RALGAPA2: variants seen among roughly 807,000 people sequenced by gnomAD.
RALGAPA2 encodes Ral GTPase activating protein catalytic subunit alpha 2.
Under a neutral mutation model 230.4 loss-of-function variants are expected in RALGAPA2, and 139 were observed. The ratio of observed to expected loss-of-function variants is 0.60; its 90% CI spans 0.53 to 0.69. The LOEUF is 0.69. Ranked by LOEUF, RALGAPA2 falls within the 30% of genes least tolerant of loss-of-function variation. RALGAPA2 has a pLI of 0.00. For missense variants in RALGAPA2, 2,163 were observed against 2,276.0 expected (o/e 0.95, Z 1.01); for synonymous variants, 847 against 837.8 (o/e 1.01, Z -0.19).
chr20:20,653,121 G>A lies in RALGAPA2; in HGVS notation c.328+409C>T, dbSNP rs182891226. 3.1e-3 allele frequency among the ~76,000 whole-genome samples: 456 copies of A among 147,508 alleles called. 1 individual carries two copies. Among genetic ancestry groups the A allele is most frequent in the African/African-American group, 0.011 (438 of 39,878 alleles). The stretch of plus-strand genomic sequence containing the variant: ...TGAGGCAGGAGAATCACTTGAACTC[G>A]GGAGGCGGAGGTTGCAATGAGCCGA... On this transcript the variant is annotated intron_variant, in intron 4 of 39. Transcript: ENST00000202677.
At position 20,621,002 on chromosome 20, in the gene RALGAPA2, G is replaced by A. The variant is rs6046967; in HGVS notation, c.1234-372C>T. Among the ~76,000 whole-genome samples, 370 of 152,006 alleles carry A rather than the reference G, an allele frequency of 2.4e-3. 2 individuals are homozygous for A. The highest frequency in any genetic ancestry group is 8.3e-3 in the African/African-American group (345 of 41,496). Reference sequence around the variant, plus strand: ...CTAAAAATACAAAAATTAGCTGTGCGTGGTGGCGTGTGCCTGTAATCCCAG... The same window carrying A: ...CTAAAAATACAAAAATTAGCTGTGCATGGTGGCGTGTGCCTGTAATCCCAG... On this transcript the variant is annotated intron_variant, in intron 10 of 39. Coordinates refer to ENST00000202677, the MANE Select transcript of RALGAPA2 (RefSeq NM_020343.4).
At chr20:20,560,755 GTGTCTC>G (rs2064234056) in intron 23 of RALGAPA2, among the ~76,000 whole-genome samples, 1 of 152,282 alleles carries the variant, frequency 6.6e-6, no homozygotes, top group Non-Finnish European at 1.5e-5. Context: ...AGCTATTCCT[GTGTCTC>G]TCAGTGCCTC....
chr20:20,685,721 A>G (rs1314721268), intron 1 of RALGAPA2, among the ~76,000 whole-genome samples: 1 of 152,202 alleles, frequency 6.6e-6, no homozygotes, highest in East Asian at 1.9e-4. Context: ...CAAGGTAAGA[A>G]ACAGGACTGA....
At chr20:20,562,487 C>T (rs549982302) in intron 23 of RALGAPA2, among the ~76,000 whole-genome samples, 22 of 152,308 alleles carry the variant, frequency 1.4e-4, no homozygotes, top group African/African-American at 4.6e-4. Flanking sequence ...CTTTATTTCA[C>T]GTAGCATGTC....
chr20:20,515,138 T>G (rs2062829198), intron 31 of RALGAPA2, among the ~76,000 whole-genome samples: 1 of 152,160 alleles, frequency 6.6e-6, no homozygotes, highest in Non-Finnish European at 1.5e-5. Flanking sequence ...CCTGAGGCAA[T>G]AGAGAGCTTC....
intron 24 of RALGAPA2, among the ~76,000 whole-genome samples, chr20:20,541,850 A>G (rs2145666848): frequency 6.6e-6 from 1 of 152,318 alleles, no homozygotes; most frequent in South Asian, 2.1e-4. Context: ...ATCTCTAGGA[A>G]GGGCTCCAAC....
chr20:20,672,231 G>A lies in RALGAPA2; in HGVS notation c.270+4005C>T, dbSNP rs6132334. Among the ~76,000 whole-genome samples the A allele has an allele frequency of 3.2e-4, 48 of 151,628 alleles. No homozygotes were observed. The East Asian group carries it at 7.7e-3, about 24-fold the overall frequency. On this transcript the variant is annotated intron_variant, in intron 3 of 39. Coordinates refer to ENST00000202677, the MANE Select transcript of RALGAPA2 (RefSeq NM_020343.4). ...AGACAAATCCTCTGGGAGAAACCAG[G>A]ATTAACAAATGTGAAATCTGTGGTC...
chr20:20,461,031 C>T (rs1412112310), intron 37 of RALGAPA2, among the ~76,000 whole-genome samples: 2 of 152,168 alleles, frequency 1.3e-5, no homozygotes, highest in East Asian at 3.8e-4. Flanking sequence ...ATGTGAAGTG[C>T]TTTCCTTAGT....
intron 38 of RALGAPA2, among the ~76,000 whole-genome samples, chr20:20,408,872 T>C (rs377401504): frequency 6.6e-6 from 1 of 152,226 alleles, no homozygotes; most frequent in Non-Finnish European, 1.5e-5. Context: ...AGGTAAACTA[T>C]AGTGCTAGGT....
chr20:20,641,048 G>C (rs182181130), intron 5 of RALGAPA2, among the ~76,000 whole-genome samples, 170 bp from the exon 6 acceptor site: 61 of 152,284 alleles, frequency 4.0e-4, no homozygotes, highest in African/African-American at 1.3e-3. Context: ...TACAGCACAA[G>C]AGTTAAGAGC....
At chr20:20,640,440 A>G (rs1220552747) in intron 6 of RALGAPA2, among the ~76,000 whole-genome samples, 1 of 152,200 alleles carries the variant, frequency 6.6e-6, no homozygotes, top group African/African-American at 2.4e-5. Context: ...ATGTGTCTCT[A>G]CTTCGTGCTA....
chr20:20,653,248 G>A (rs2067472805), intron 4 of RALGAPA2, among the ~76,000 whole-genome samples: 1 of 149,394 alleles, frequency 6.7e-6, no homozygotes. Flanking sequence ...TGATTCAGGA[G>A]GTCTGGCTGG....
chr20:20,699,394 C>T (rs2069250346), intron 1 of RALGAPA2, among the ~76,000 whole-genome samples: 1 of 152,094 alleles, frequency 6.6e-6, no homozygotes, highest in Admixed American at 6.5e-5. Context: ...TAAGCTATAC[C>T]ACGTCAAGCC....
At chr20:20,461,238 C>T (rs1046686371) in intron 37 of RALGAPA2, among the ~76,000 whole-genome samples, 16 of 152,032 alleles carry the variant, frequency 1.1e-4, no homozygotes, top group Admixed American at 9.2e-4. Context: ...AATGAGTAAA[C>T]GGTATTTCTG....
At chr20:20,602,774 G>C (rs1242271579) in intron 15 of RALGAPA2, among the ~76,000 whole-genome samples, 1 of 152,060 alleles carries the variant, frequency 6.6e-6, no homozygotes. Flanking sequence ...CTCTTTAGAT[G>C]AATCTGTGGG....
intron 37 of RALGAPA2, among the ~76,000 whole-genome samples, chr20:20,416,280 GCTGGAGGAGAGTT>G (rs528703682): frequency 8.5e-5 from 13 of 152,298 alleles, no homozygotes; most frequent in African/African-American, 2.9e-4. Flanking sequence ...TAGTAGGTAA[GCTGGAGGAGAGTT>G]CTGTGTCAGG....
At position 20,495,151 on chromosome 20, in the gene RALGAPA2, T is replaced by A. The variant is rs982984055; in HGVS notation, c.5333A>T (p.His1778Leu). Residue 1778 changes from histidine to leucine, a missense_variant, in exon 36 of 40, where the codon CAC becomes CTC. Coordinates refer to ENST00000202677, the MANE Select transcript of RALGAPA2 (RefSeq NM_020343.4). ...CTTCGTTATCGCGATGAAGAACATG[T>A]GATTCTTCATTGGGTAAATAATGAT... ...VSIIIYPMKN[H>L]MFFIAITKKP... 3.0e-5 allele frequency: 48 copies of A among 1,609,472 alleles called. No homozygotes were observed. Among genetic ancestry groups the A allele is most frequent in the Non-Finnish European group, 3.9e-5 (46 of 1,176,642 alleles).
chr20:20,415,448 A>G (rs1443998102), intron 37 of RALGAPA2, among the ~76,000 whole-genome samples: 2 of 152,224 alleles, frequency 1.3e-5, no homozygotes, highest in Admixed American at 6.5e-5. Context: ...AAAGCCACAC[A>G]CAACAAAGTA....
chr20:20,614,823 G>C (rs1361939962), intron 13 of RALGAPA2, among the ~76,000 whole-genome samples: 2 of 152,178 alleles, frequency 1.3e-5, no homozygotes, highest in Non-Finnish European at 2.9e-5. Context: ...CTTTCCTGCT[G>C]ATTCAAGGGC....
Sources: allele counts gnomAD v4.1 joint callset (sites outside exome capture counted in the v4.1 genomes callset), GRCh38; gene constraint gnomAD v4.1.1; transcripts MANE v1.5; gene names NCBI Gene and HGNC (gene_info 2026-07-23, HGNC 2026-07-21).